ARFGEF2: variants seen among roughly 807,000 people sequenced by gnomAD.
The protein encoded by ARFGEF2 is brefeldin A-inhibited guanine nucleotide-exchange protein 2.
Under a neutral mutation model 219.9 loss-of-function variants are expected in ARFGEF2, and 74 were observed. That is an observed-to-expected ratio of 0.34 (90% confidence interval 0.28 to 0.41). The LOEUF is 0.41. Ranked by LOEUF, ARFGEF2 falls within the 10% of genes least tolerant of loss-of-function variation. The probability of loss-of-function intolerance (pLI) is 1.00; values close to 1 mark genes in which losing one functional copy is unlikely to be tolerated. For synonymous variants in ARFGEF2, 733 were observed against 799.2 expected (o/e 0.92, Z 1.40); for missense variants, 1,743 against 2,218.3 (o/e 0.79, Z 4.30).
intron 1 of ARFGEF2, among the ~76,000 whole-genome samples, chr20:48,928,144 G>C (rs920807216): frequency 4.6e-5 from 7 of 151,808 alleles, no homozygotes; most frequent in African/African-American, 1.7e-4. Flanking sequence ...ACAGTACCTG[G>C]CACCTAACAG....
At chr20:48,974,118 A>ATTTTTTT (rs57941437) in intron 12 of ARFGEF2, among the ~76,000 whole-genome samples, 10 of 70,064 alleles carry the variant, frequency 1.4e-4, no homozygotes, top group South Asian at 6.6e-4. Context: ...TTGAGTGTGA[A>ATTTTTTT]TTTTTTTTTT....
chr20:48,963,175 C>CAAAAATAAAAAAAAAAAAAAAAAAAAAA (rs2091164659), intron 6 of ARFGEF2, among the ~76,000 whole-genome samples: 1 of 110,856 alleles, frequency 9.0e-6, no homozygotes, highest in African/African-American at 4.2e-5. Context: ...AACTCTGTCT[C>CAAAAATAAAAAAAAAAAAAAAAAAAAAA]AAAAAAAAAA....
intron 37 of ARFGEF2, among the ~76,000 whole-genome samples, chr20:49,031,269 G>T (rs1020600077): frequency 3.5e-5 from 4 of 115,328 alleles, no homozygotes; most frequent in African/African-American, 1.4e-4. Flanking sequence ...TCACTCTATC[G>T]CCCAGGCTGG....
chr20:49,018,479 G>A (rs984599985), intron 33 of ARFGEF2, among the ~76,000 whole-genome samples: 5 of 152,200 alleles, frequency 3.3e-5, no homozygotes, highest in East Asian at 1.9e-4. Context: ...CAGGTGATCC[G>A]CCTTCCTTGG....
In ARFGEF2 at chr20:49,017,545, C is replaced by CATTTGGTA. The variant is rs999785859; in HGVS notation, c.4505_4509+3dup. ...AATGGAGGAAGATTCATCAGAAAAG[C>CATTTGGTA]ATTTGGTAGGATTTGGGGTTTTTCT... is the stretch of plus-strand genomic sequence containing the variant. On this transcript the variant is annotated frameshift_variant, in exon 33 of 39. Coordinates refer to ENST00000371917, the MANE Select transcript of ARFGEF2 (RefSeq NM_006420.3). LOFTEE classifies it high-confidence loss of function. The CATTTGGTA allele has an allele frequency of 6.2e-7, 1 of 1,613,884 alleles. No homozygotes were observed. The highest frequency in any genetic ancestry group is 1.3e-5 in the African/African-American group (1 of 74,986).
At chr20:48,979,847 C>T (rs1367701017) in intron 14 of ARFGEF2, among the ~76,000 whole-genome samples, 1 of 151,614 alleles carries the variant, frequency 6.6e-6, no homozygotes, top group Non-Finnish European at 1.5e-5. Flanking sequence ...TTTATTGTGT[C>T]TGTTTGATTC....
chr20:49,024,542 T>C (rs2091589257), intron 35 of ARFGEF2, among the ~76,000 whole-genome samples: 1 of 152,082 alleles, frequency 6.6e-6, no homozygotes, highest in Non-Finnish European at 1.5e-5. Flanking sequence ...AAAATCAAGA[T>C]TTTTTTTCAT....
At chr20:49,004,874 C>T (rs2091448233) in intron 25 of ARFGEF2, among the ~76,000 whole-genome samples, 196 bp from the exon 26 acceptor site, 2 of 152,162 alleles carry the variant, frequency 1.3e-5, no homozygotes, top group Non-Finnish European at 2.9e-5. Flanking sequence ...ATTAACTATG[C>T]AATACTGATT....
intron 26 of ARFGEF2, among the ~76,000 whole-genome samples, chr20:49,006,024 G>A (rs112560922): frequency 0.015 from 2,341 of 151,936 alleles, 68 homozygotes; most frequent in South Asian, 0.085. Flanking sequence ...GGCCGGGCGC[G>A]GTGGCTCATG....
intron 14 of ARFGEF2, 89 bp from the exon 15 acceptor site, chr20:48,984,640 A>C: frequency 6.7e-7 from 1 of 1,487,576 alleles, no homozygotes; most frequent in Non-Finnish European, 9.4e-7. Flanking sequence ...TGTTCATAGT[A>C]TTCTATTATT....
At chr20:49,027,440 T>C (rs561530319) in intron 36 of ARFGEF2, among the ~76,000 whole-genome samples, 1 of 152,308 alleles carries the variant, frequency 6.6e-6, no homozygotes, top group South Asian at 2.1e-4. Context: ...TTCACACCTA[T>C]AATCCCAGCA....
chr20:48,941,362 G>A, intron 2 of ARFGEF2, 133 bp downstream of exon 2: 2 of 926,404 alleles, frequency 2.2e-6, no homozygotes, highest in Admixed American at 2.0e-5. Flanking sequence ...CAAGCATGGT[G>A]CTAGGCACAC....
chr20:48,945,101 A>T (rs762636552), intron 3 of ARFGEF2, among the ~76,000 whole-genome samples: 5 of 151,986 alleles, frequency 3.3e-5, no homozygotes, highest in Non-Finnish European at 7.4e-5. Flanking sequence ...TTCTTAGAGG[A>T]CACTAATCCT....
At chr20:49,023,599 C>T (rs568988889) in intron 35 of ARFGEF2, among the ~76,000 whole-genome samples, 25 of 145,390 alleles carry the variant, frequency 1.7e-4, no homozygotes, top group South Asian at 1.3e-3. Flanking sequence ...AGTGCAGTGG[C>T]GCGATCTCGG....
Position 48,985,527 on chromosome 20 carries a change from A to G in ARFGEF2, c.2190A>G (p.Leu730=), listed in dbSNP as rs2091322040. The G allele has an allele frequency of 2.5e-6, 4 of 1,614,098 alleles. No homozygotes were observed. Among genetic ancestry groups the G allele is most frequent in the Middle Eastern group, 1.6e-4 (1 of 6,084 alleles). ...KEFVSALRTF[L]EGFRLPGEAQ... is the part of the protein sequence containing the mutation. ...TTGTCTCAGCCCTGCGGACATTCCT[A>G]GAAGGTTTCCGCCTACCTGGAGAAG... Residue 730 remains leucine, a synonymous_variant, in exon 16 of 39, where the codon CTA becomes CTG. Coordinates refer to ENST00000371917, the MANE Select transcript of ARFGEF2 (RefSeq NM_006420.3).
intron 3 of ARFGEF2, among the ~76,000 whole-genome samples, chr20:48,950,132 A>T (rs886613253): frequency 2.0e-5 from 3 of 152,144 alleles, no homozygotes; most frequent in African/African-American, 4.8e-5. Context: ...CTCCATGCTG[A>T]CATCCCGGTT....
chr20:48,923,792 A>G (rs1486266521), intron 1 of ARFGEF2, among the ~76,000 whole-genome samples: 2 of 152,222 alleles, frequency 1.3e-5, no homozygotes, highest in Admixed American at 1.3e-4. Flanking sequence ...TGTGCATCAT[A>G]TTATTGGAAC....
At chr20:48,944,359 T>C (rs193131648) in intron 3 of ARFGEF2, among the ~76,000 whole-genome samples, 109 of 152,308 alleles carry the variant, frequency 7.2e-4, no homozygotes, top group Middle Eastern at 3.4e-3. Flanking sequence ...GCTCTTAGCC[T>C]GTAGTGGGCC....
intron 31 of ARFGEF2, 77 bp downstream of exon 31, chr20:49,016,492 C>T: frequency 6.7e-7 from 1 of 1,489,916 alleles, no homozygotes; most frequent in Non-Finnish European, 9.2e-7. Context: ...TATTTAAAAG[C>T]ATGGATGTAG....
Sources: gnomAD v4.1 joint callset for allele counts (sites outside exome capture counted in the v4.1 genomes callset) on GRCh38, gnomAD v4.1.1 for gene constraint, MANE v1.5 for transcripts, NCBI Gene and HGNC (gene_info 2026-07-23, HGNC 2026-07-21) for gene names.